PDZD2: variants seen among roughly 807,000 people sequenced by gnomAD.
PDZD2 encodes PDZ domain containing 2.
Under a neutral mutation model 220.7 loss-of-function variants are expected in PDZD2, and 90 were observed. The ratio of observed to expected loss-of-function variants is 0.41; its 90% CI spans 0.34 to 0.49. PDZD2 has a LOEUF of 0.49. Ranked by LOEUF, PDZD2 falls within the 20% of genes least tolerant of loss-of-function variation. PDZD2 has a pLI of 0.28. For synonymous variants in PDZD2, 1,375 were observed against 1,450.5 expected, an observed-to-expected ratio of 0.95 and a Z score of 1.18; for missense variants, 3,174 against 3,608.5, an observed-to-expected ratio of 0.88 and a Z score of 3.08.
chr5:31,811,005 A>G (rs1755078517), intron 2 of PDZD2, among the ~76,000 whole-genome samples: 1 of 152,014 alleles, frequency 6.6e-6, no homozygotes, highest in South Asian at 2.1e-4. Context: ...TTTTTGAGAC[A>G]GAGTCTCGCT....
At chr5:32,092,527 G>A (rs1462622320) in intron 20 of PDZD2, among the ~76,000 whole-genome samples, 2 of 152,182 alleles carry the variant, frequency 1.3e-5, no homozygotes, top group African/African-American at 2.4e-5. Flanking sequence ...AGCTGAGATC[G>A]TGCCACTGCA....
At chr5:31,749,080 A>C (rs1750771686) in intron 1 of PDZD2, among the ~76,000 whole-genome samples, 1 of 137,148 alleles carries the variant, frequency 7.3e-6, no homozygotes. Flanking sequence ...TTAACTCTCT[A>C]TTTCATGGGG....
chr5:31,837,371 A>G (rs1055808865), intron 2 of PDZD2, among the ~76,000 whole-genome samples: 2 of 152,204 alleles, frequency 1.3e-5, no homozygotes, highest in Non-Finnish European at 1.5e-5. Flanking sequence ...CCTTCTTGCC[A>G]GGGAACAGCA....
At chr5:32,014,431 G>A (rs1228864921) in intron 6 of PDZD2, among the ~76,000 whole-genome samples, 1 of 152,126 alleles carries the variant, frequency 6.6e-6, no homozygotes, top group Non-Finnish European at 1.5e-5. Flanking sequence ...AGGAGTAGAA[G>A]CCAGTGAAAA....
At chr5:31,979,614 T>C (rs1033581280) in intron 2 of PDZD2, among the ~76,000 whole-genome samples, 6 of 152,082 alleles carry the variant, frequency 3.9e-5, no homozygotes, top group African/African-American at 1.4e-4. Context: ...TTTCCAGGTT[T>C]ATGTTTTGTG....
intron 1 of PDZD2, among the ~76,000 whole-genome samples, chr5:31,662,297 A>T (rs1204467475): frequency 1.3e-5 from 2 of 152,088 alleles, no homozygotes; most frequent in Non-Finnish European, 2.9e-5. Context: ...GGCGACAAGG[A>T]TGAAACTCCA....
At chr5:31,769,403 T>A (rs1235209294) in intron 1 of PDZD2, among the ~76,000 whole-genome samples, 1 of 152,216 alleles carries the variant, frequency 6.6e-6, no homozygotes, top group Non-Finnish European at 1.5e-5. Flanking sequence ...CAGGGACATT[T>A]CTAAAGTCAC....
chr5:32,081,244 A>T (rs780293509), intron 19 of PDZD2, among the ~76,000 whole-genome samples: 4 of 151,966 alleles, frequency 2.6e-5, no homozygotes, highest in Non-Finnish European at 5.9e-5. Context: ...AGATGTTTGG[A>T]TGCTTTTCTG....
chr5:31,849,963 C>CATATATATATAT (rs1429637959), intron 2 of PDZD2, among the ~76,000 whole-genome samples: 1 of 29,458 alleles, frequency 3.4e-5, no homozygotes, highest in Admixed American at 4.4e-4. Context: ...TATATATATA[C>CATATATATATAT]ACATATATAT....
chr5:31,726,026 G>A (rs544949266), intron 1 of PDZD2: 20 of 364,578 alleles, frequency 5.5e-5, no homozygotes, highest in Non-Finnish European at 9.4e-5. Flanking sequence ...AGTAGAAAGC[G>A]TGCTGAACCG....
At position 32,057,998 on chromosome 5, in the gene PDZD2, G is replaced by C; in HGVS notation, c.2095G>C (p.Gly699Arg). The stretch of plus-strand genomic sequence containing the variant: ...CGCCTCCCCGAACTTCAATACCAGT[G>C]GGGGAGCCTCAGCGGGAGGTTCCGA... ...RSASPNFNTS[G>R]GASAGGSDEG... Residue 699 changes from glycine to arginine, a missense_variant, in exon 12 of 25, where the codon GGG becomes CGG. By Grantham distance (125) the Gly-to-Arg change is moderately radical. Coordinates refer to ENST00000438447, the MANE Select transcript of PDZD2 (RefSeq NM_178140.4). 4 of 1,612,770 alleles carry C rather than the reference G, an allele frequency of 2.5e-6. No homozygotes were observed. The highest frequency in any genetic ancestry group is 1.1e-5 in the South Asian group (1 of 91,044).
At position 32,037,240 on chromosome 5, in the gene PDZD2, A is replaced by G; in HGVS notation, c.1417A>G (p.Thr473Ala). 6.2e-7 allele frequency: 1 copy of G among 1,611,236 alleles called. No homozygotes were observed. The highest frequency in any genetic ancestry group is 8.5e-7 in the Non-Finnish European group (1 of 1,177,398). ...SSSVQRAMPG[T>A]DEPQDVCGAE... ...GCTTTCTGCATTTCAGATGCCTGGG[A>G]CAGATGAACCCCAAGATGTGTGCGG... is the stretch of plus-strand genomic sequence containing the variant. The change falls in exon 7 of 25, where the codon ACA becomes GCA. Residue 473 changes from threonine (T) to alanine (A), a missense_variant. By Grantham distance (58) the Thr-to-Ala change is moderately conservative (BLOSUM62 0). Transcript: ENST00000438447.
At chr5:31,742,009 C>G (rs1401260973) in intron 1 of PDZD2, 1 of 152,234 alleles carries the variant, frequency 6.6e-6, no homozygotes, top group African/African-American at 2.4e-5. Context: ...TGTGGTGGAA[C>G]TAAAGTCCAG....
At position 32,054,397 on chromosome 5, in the gene PDZD2, C is replaced by T. The variant is rs898192450; in HGVS notation, c.1900+514C>T. The stretch of plus-strand genomic sequence containing the variant: ...GGAGTGCAGTGGCATGATCATGGCT[C>T]ACTGCAGCCTCAACCCCCTGGGCTC... On this transcript the variant is annotated intron_variant, in intron 10 of 24. Coordinates refer to ENST00000438447, the MANE Select transcript of PDZD2 (RefSeq NM_178140.4). 4.2e-5 allele frequency among the ~76,000 whole-genome samples: 6 copies of T among 141,648 alleles called. No individual in the cohort carries two copies. In the East Asian group the frequency reaches 1.1e-3, roughly 25 times the overall value. The allele number at this position is 141,648 out of a possible 152,430, so 92.9% of individuals were successfully genotyped here.
chr5:31,737,167 CTTTTTTTTTTTT>C (rs57379430), intron 1 of PDZD2, among the ~76,000 whole-genome samples: 12 of 66,326 alleles, frequency 1.8e-4, no homozygotes, highest in African/African-American at 7.0e-4. Context: ...CAGTCTACTT[CTTTTTTTTTTTT>C]TTTTTTTTTT....
At chr5:31,945,275 A>G (rs1455359578) in intron 2 of PDZD2, among the ~76,000 whole-genome samples, 1 of 152,092 alleles carries the variant, frequency 6.6e-6, no homozygotes, top group Non-Finnish European at 1.5e-5. Flanking sequence ...CAGAAATCCA[A>G]TTTTGTGTGT....
At chr5:31,812,400 C>T (rs1417427912) in intron 2 of PDZD2, among the ~76,000 whole-genome samples, 1 of 152,152 alleles carries the variant, frequency 6.6e-6, no homozygotes, top group African/African-American at 2.4e-5. Context: ...TAGTCCATGA[C>T]ATATGCTGAG....
chr5:32,063,027 ATATTATTATTAT>A (rs147802513), intron 14 of PDZD2, among the ~76,000 whole-genome samples: 2 of 142,328 alleles, frequency 1.4e-5, no homozygotes, highest in African/African-American at 2.6e-5. Context: ...TGAGAATGAA[ATATTATTATTAT>A]TATTATTATT....
chr5:31,786,399 A>G (rs1753379504), intron 1 of PDZD2, among the ~76,000 whole-genome samples: 1 of 152,174 alleles, frequency 6.6e-6, no homozygotes, highest in Non-Finnish European at 1.5e-5. Flanking sequence ...CACTTCTTGA[A>G]ACCTTGGTTC....
Sources: gnomAD v4.1 joint callset for allele counts (sites outside exome capture counted in the v4.1 genomes callset) on GRCh38, gnomAD v4.1.1 for gene constraint, MANE v1.5 for transcripts, NCBI Gene and HGNC (gene_info 2026-07-23, HGNC 2026-07-21) for gene names.